KCNK2: variants seen among roughly 807,000 people sequenced by gnomAD.
KCNK2 encodes the protein potassium channel subfamily K member 2.
Under a neutral mutation model 40.5 loss-of-function variants are expected in KCNK2, and 21 were observed. The observed-to-expected ratio is 0.52, with a 90% confidence interval of 0.37 to 0.75. The LOEUF (loss-of-function observed/expected upper bound fraction) is 0.75. KCNK2 is among the 30% of genes least tolerant of loss of function. The probability of loss-of-function intolerance (pLI) is 0.00; values close to 1 mark genes in which losing one functional copy is unlikely to be tolerated. For missense variants in KCNK2, 399 were observed against 531.6 expected, an observed-to-expected ratio of 0.75 and a Z score of 2.45; for synonymous variants, 191 against 202.2, an observed-to-expected ratio of 0.94 and a Z score of 0.47.
intron 2 of KCNK2, among the ~76,000 whole-genome samples, chr1:215,113,854 C>T (rs1660808923): frequency 6.6e-6 from 1 of 152,122 alleles, no homozygotes; most frequent in Admixed American, 6.6e-5. Flanking sequence ...ACTCGGCCTC[C>T]CAAAATGCTG....
At chr1:215,211,039 A>G (rs896131897) in intron 6 of KCNK2, among the ~76,000 whole-genome samples, 5 of 152,148 alleles carry the variant, frequency 3.3e-5, no homozygotes, top group Non-Finnish European at 5.9e-5. Context: ...TCTGTTCTCA[A>G]CAAAGACACC....
intron 2 of KCNK2, among the ~76,000 whole-genome samples, chr1:215,092,983 A>C (rs1659755588): frequency 6.6e-6 from 1 of 152,180 alleles, no homozygotes; most frequent in South Asian, 2.1e-4. Flanking sequence ...TTATTAGGAC[A>C]TCCAAGTGGA....
chr1:215,166,196 G>A (rs957740851), intron 3 of KCNK2, among the ~76,000 whole-genome samples: 2 of 152,040 alleles, frequency 1.3e-5, no homozygotes, highest in Non-Finnish European at 2.9e-5. Flanking sequence ...AATTTCCATA[G>A]TGTGCTCGAG....
intron 5 of KCNK2, among the ~76,000 whole-genome samples, chr1:215,179,817 T>C (rs1312525392): frequency 6.6e-6 from 1 of 152,186 alleles, no homozygotes; most frequent in Non-Finnish European, 1.5e-5. Flanking sequence ...CATGTGCAGA[T>C]GAGAAAAATG....
chr1:215,111,746 C>T (rs914066595), intron 2 of KCNK2, among the ~76,000 whole-genome samples: 1 of 151,646 alleles, frequency 6.6e-6, no homozygotes, highest in Non-Finnish European at 1.5e-5. Context: ...GATCAGTATG[C>T]GGAGATTTAG....
At chr1:215,093,940 AAT>A (rs1659865941) in intron 2 of KCNK2, among the ~76,000 whole-genome samples, 1 of 121,990 alleles carries the variant, frequency 8.2e-6, no homozygotes, top group Admixed American at 1.2e-4. Flanking sequence ...ATTACATGAC[AAT>A]ATATATAATA....
Position 215,086,510 on chromosome 1 carries a change from C to T in KCNK2, c.189C>T (p.Ser63=). 2 of 1,614,136 alleles carry T rather than the reference C, an allele frequency of 1.2e-6. No homozygotes were observed. Among genetic ancestry groups the T allele is most frequent in the East Asian group, 2.2e-5 (1 of 44,870 alleles). The change falls in exon 2 of 7, where the codon TCC becomes TCT. Residue 63 remains serine, a synonymous_variant. Coordinates refer to ENST00000444842, the MANE Select transcript of KCNK2 (RefSeq NM_001017425.3). The part of the protein sequence containing the change: ...TINVMKWKTV[S]TIFLVVVLYL... ...ATGTTATGAAATGGAAGACGGTCTC[C>T]ACGATATTCCTGGTGGTTGTCCTCT...
At chr1:215,050,168 T>C (rs1657932956) in intron 1 of KCNK2, among the ~76,000 whole-genome samples, 1 of 152,194 alleles carries the variant, frequency 6.6e-6, no homozygotes, top group South Asian at 2.1e-4. Context: ...ATTTTTTTAA[T>C]TAACATTTTG....
intron 1 of KCNK2, among the ~76,000 whole-genome samples, chr1:215,059,097 A>G (rs946107776): frequency 1.3e-5 from 2 of 148,266 alleles, no homozygotes; most frequent in African/African-American, 4.9e-5. Flanking sequence ...ATTCGTGTAT[A>G]TATATACACA....
intron 2 of KCNK2, among the ~76,000 whole-genome samples, chr1:215,087,513 G>A (rs544650983): frequency 6.6e-6 from 1 of 152,288 alleles, no homozygotes; most frequent in East Asian, 1.9e-4. Context: ...CAATTCATTG[G>A]TCAAATCGGG....
At chr1:215,037,906 T>A (rs1571862810) in intron 1 of KCNK2, among the ~76,000 whole-genome samples, 2 of 151,808 alleles carry the variant, frequency 1.3e-5, no homozygotes, top group African/African-American at 4.8e-5. Flanking sequence ...TTATTTATAT[T>A]TTCTCTCTTT....
At chr1:215,122,402 G>T (rs1262111458) in intron 2 of KCNK2, among the ~76,000 whole-genome samples, 1 of 152,086 alleles carries the variant, frequency 6.6e-6, no homozygotes, top group East Asian at 1.9e-4. Flanking sequence ...GAAAGATAAT[G>T]AAGGGAAACC....
chr1:215,006,063 A>G (rs1393510180), intron 1 of KCNK2: 1 of 947,638 alleles, frequency 1.1e-6, no homozygotes, highest in East Asian at 2.5e-5. Flanking sequence ...TCATTATATG[A>G]AAGTCTATAA....
intron 6 of KCNK2, among the ~76,000 whole-genome samples, chr1:215,202,557 C>T (rs1402388959): frequency 6.6e-6 from 1 of 152,150 alleles, no homozygotes; most frequent in African/African-American, 2.4e-5. Context: ...AATTATGTCT[C>T]TATGTAGCCT....
At chr1:215,114,165 G>A (rs1660823268) in intron 2 of KCNK2, among the ~76,000 whole-genome samples, 1 of 152,156 alleles carries the variant, frequency 6.6e-6, no homozygotes, top group African/African-American at 2.4e-5. Context: ...CCAGCCTCAT[G>A]CTTATTATGA....
intron 6 of KCNK2, among the ~76,000 whole-genome samples, chr1:215,201,598 T>G (rs1276099451): frequency 6.6e-6 from 1 of 152,192 alleles, no homozygotes; most frequent in East Asian, 1.9e-4. Flanking sequence ...GTTCCTAAAT[T>G]ATTAATTCAT....
intron 6 of KCNK2, among the ~76,000 whole-genome samples, chr1:215,215,419 CA>C: frequency 6.6e-6 from 1 of 151,810 alleles, no homozygotes; most frequent in Non-Finnish European, 1.5e-5. Flanking sequence ...TAAATGGATA[CA>C]AAAAAATAGG....
intron 1 of KCNK2, among the ~76,000 whole-genome samples, chr1:215,059,198 A>T (rs1328736769): frequency 2.0e-5 from 3 of 151,882 alleles, no homozygotes; most frequent in African/African-American, 7.3e-5. Context: ...TGTCCCTAGA[A>T]TTTTAGCTCC....
At chr1:215,024,008 G>A (rs1656905929) in intron 1 of KCNK2, among the ~76,000 whole-genome samples, 1 of 152,206 alleles carries the variant, frequency 6.6e-6, no homozygotes, top group Non-Finnish European at 1.5e-5. Flanking sequence ...ATCCAGCAGG[G>A]TGCAGAAGTA....
Sources: allele counts gnomAD v4.1 joint callset (sites outside exome capture counted in the v4.1 genomes callset), GRCh38; gene constraint gnomAD v4.1.1; transcripts MANE v1.5; gene names NCBI Gene and HGNC (gene_info 2026-07-23, HGNC 2026-07-21).